Variants in WDR27 observed in about 807,000 individuals in gnomAD.
The protein encoded by WDR27 is WD repeat domain 27.
A neutral mutation model predicts 114.4 loss-of-function variants in WDR27; 100 were observed. The observed-to-expected ratio is 0.87, with a 90% CI of 0.74 to 1.03. The LOEUF (loss-of-function observed/expected upper bound fraction) is 1.03, where lower values mean the gene tolerates loss of function less well. Ranked by LOEUF, WDR27 falls within the 50% of genes least tolerant of loss-of-function variation. The pLI is 0.00. For missense variants in WDR27, 1,129 were observed against 1,092.9 expected (o/e 1.03, Z -0.47); for synonymous variants, 449 against 423.1 (o/e 1.06, Z -0.75).
rs202237596 is a variant in WDR27 at position 169,658,333 on chromosome 6, G to C, written c.1345C>G (p.Leu449Val). The change falls in exon 13 of 26, where the codon CTG (leucine) becomes GTG (valine). Residue 449 changes from leucine to valine, a missense_variant. By Grantham distance (32) the Leu-to-Val change is conservative. Coordinates refer to ENST00000448612, the MANE Select transcript of WDR27 (RefSeq NM_182552.5). The part of the protein sequence containing the change: ...ASSCVLPTSP[L>V]YLGIAKEKST... ...TTCTCCTTGGCAATTCCCAGATACAGTGGAGAGGTCGGTAGGACACAGGAG... is the reference window on the plus strand; with the variant it reads ...TTCTCCTTGGCAATTCCCAGATACACTGGAGAGGTCGGTAGGACACAGGAG... 1 of 1,601,402 alleles carries C rather than the reference G, an allele frequency of 6.2e-7. No individual in the cohort carries two copies. The highest frequency in any genetic ancestry group is 2.2e-5 in the East Asian group (1 of 44,556).
chr6:169,618,417 C>T (rs1812358621), intron 21 of WDR27, among the ~76,000 whole-genome samples: 1 of 151,928 alleles, frequency 6.6e-6, no homozygotes, highest in African/African-American at 2.4e-5. Flanking sequence ...AATCATAAAA[C>T]ACGTATGCAT....
At chr6:169,530,105 A>AGTG in intron 25 of WDR27, among the ~76,000 whole-genome samples, 1 of 152,334 alleles carries the variant, frequency 6.6e-6, no homozygotes, top group Non-Finnish European at 1.5e-5. Flanking sequence ...CACAGCAATG[A>AGTG]GTGTTTGCAG....
At chr6:169,431,951 G>A in the WDR27 span, among the ~76,000 whole-genome samples, 434 of 152,262 alleles carry the variant, frequency 2.9e-3, 1 homozygote, top group African/African-American at 1.0e-2. Flanking sequence ...TACGGTCTCC[G>A]AGTAAGCTCA....
chr6:169,629,417 A>T (rs1815733771), intron 21 of WDR27, among the ~76,000 whole-genome samples: 1 of 152,214 alleles, frequency 6.6e-6, no homozygotes, highest in African/African-American at 2.4e-5. Flanking sequence ...AAAGAACAAA[A>T]AGAGAAAGAA....
At chr6:169,679,570 T>C (rs1780970008) in intron 2 of WDR27, among the ~76,000 whole-genome samples, 1 of 152,028 alleles carries the variant, frequency 6.6e-6, no homozygotes, top group African/African-American at 2.4e-5. Context: ...AGTGAGTGAG[T>C]TCTCATGAAA....
At chr6:169,578,535 T>C (rs975614603) in intron 24 of WDR27, among the ~76,000 whole-genome samples, 2 of 152,248 alleles carry the variant, frequency 1.3e-5, no homozygotes, top group East Asian at 1.9e-4. Flanking sequence ...CAGCACTTAA[T>C]AGATTTCCTA....
chr6:169,534,563 CTT>C (rs1795998601), intron 25 of WDR27, among the ~76,000 whole-genome samples: 1 of 151,924 alleles, frequency 6.6e-6, no homozygotes, highest in African/African-American at 2.4e-5. Context: ...AAGTTAATCT[CTT>C]TACTTGTTAT....
intron 2 of WDR27, among the ~76,000 whole-genome samples, chr6:169,686,799 T>C (rs1450000196): frequency 1.3e-5 from 2 of 152,202 alleles, no homozygotes; most frequent in Non-Finnish European, 1.5e-5. Context: ...AATGGAATAC[T>C]ATTCTGCCAT....
chr6:169,475,411 C>T (rs1787009246), intron 25 of WDR27, among the ~76,000 whole-genome samples: 1 of 151,960 alleles, frequency 6.6e-6, no homozygotes, highest in Non-Finnish European at 1.5e-5. Context: ...TTAGTAGAGA[C>T]GGGTTTTTGC....
At position 169,647,788 on chromosome 6, in the gene WDR27, A is replaced by T; in HGVS notation, c.1642T>A (p.Cys548Ser). The change falls in exon 16 of 26, where the codon TGC becomes AGC. Residue 548 changes from cysteine to serine, a missense_variant. Physicochemically the swap from Cys to Ser is moderately radical, Grantham distance 112 (BLOSUM62 -1). Coordinates refer to ENST00000448612, the MANE Select transcript of WDR27 (RefSeq NM_182552.5). Reference protein sequence around the residue: ...AAAPTCTRVCCIQYSGDGQWL... With the variant: ...AAAPTCTRVCSIQYSGDGQWL... ...CGTGGCGCACCTGAGTACTGGATGC[A>T]GCATACACGTGTGCAGGTGGGGGCG... 1 of 1,582,832 alleles carries T rather than the reference A, an allele frequency of 6.3e-7. No individual in the cohort carries two copies. The highest frequency in any genetic ancestry group is 8.6e-7 in the Non-Finnish European group (1 of 1,164,782).
chr6:169,458,585 G>A, intron 25 of WDR27, among the ~76,000 whole-genome samples: 1 of 152,160 alleles, frequency 6.6e-6, no homozygotes, highest in East Asian at 1.9e-4. Flanking sequence ...GAGGTCAGGA[G>A]TTCAAGGCCA....
intron 23 of WDR27, among the ~76,000 whole-genome samples, chr6:169,589,371 T>C (rs2128151489): frequency 6.6e-6 from 1 of 152,252 alleles, no homozygotes; most frequent in Admixed American, 6.5e-5. Flanking sequence ...ATTGCCCCAA[T>C]TCTATAGACA....
At chr6:169,533,879 C>T (rs1795911447) in intron 25 of WDR27, among the ~76,000 whole-genome samples, 1 of 151,782 alleles carries the variant, frequency 6.6e-6, no homozygotes, top group Non-Finnish European at 1.5e-5. Flanking sequence ...ATACATGTGC[C>T]TGTGTGCATG....
At chr6:169,565,271 G>T (rs1800289573) in intron 25 of WDR27, among the ~76,000 whole-genome samples, 1 of 152,124 alleles carries the variant, frequency 6.6e-6, no homozygotes, top group South Asian at 2.1e-4. Context: ...TAATTTTTGG[G>T]GGGCAAAATT....
intron 21 of WDR27, among the ~76,000 whole-genome samples, chr6:169,624,150 G>A: frequency 8.3e-6 from 1 of 120,772 alleles, no homozygotes; most frequent in African/African-American, 3.6e-5. Context: ...GTGCCGTGTG[G>A]GGCGTCAGGT....
intron 21 of WDR27, among the ~76,000 whole-genome samples, chr6:169,630,784 C>G (rs1217574645): frequency 6.6e-6 from 1 of 152,142 alleles, no homozygotes; most frequent in African/African-American, 2.4e-5. Flanking sequence ...ATCCCAGCTA[C>G]TCGGGAGCCT....
At chr6:169,610,991 C>T (rs1810398275) in intron 22 of WDR27, among the ~76,000 whole-genome samples, 1 of 152,076 alleles carries the variant, frequency 6.6e-6, no homozygotes, top group South Asian at 2.1e-4. Context: ...GACTTCACTA[C>T]TATACAATTC....
In WDR27 at chr6:169,665,547, A is replaced by G. The variant is rs750983205; in HGVS notation, c.722T>C (p.Leu241Pro). The change falls in exon 7 of 26, where the codon CTT becomes CCT. Residue 241 changes from leucine to proline, a missense_variant. Leu to Pro is a moderately conservative substitution (Grantham distance 98, BLOSUM62 -3). Transcript: ENST00000448612. Reference protein sequence around the residue: ...YSSSVLSAYPLLSLFIDAESR... With the variant: ...YSSSVLSAYPPLSLFIDAESR... ...TTCTGCATCAATGAATAAACTGAGA[A>G]GAGGATATGCTGGTGAAAGGAACAT... The G allele has an allele frequency of 6.2e-6, 10 of 1,613,760 alleles. No individual in the cohort carries two copies. The South Asian group carries it at 1.1e-4, about 18-fold the overall frequency.
chr6:169,486,248 ATTAGT>A (rs1788870616), intron 25 of WDR27, among the ~76,000 whole-genome samples: 1 of 152,124 alleles, frequency 6.6e-6, no homozygotes, highest in Non-Finnish European at 1.5e-5. Flanking sequence ...GGGAATATAA[ATTAGT>A]TTAGCCACTG....
Sources: allele counts gnomAD v4.1 joint callset (sites outside exome capture counted in the v4.1 genomes callset), GRCh38; gene constraint gnomAD v4.1.1; transcripts MANE v1.5; gene names NCBI Gene and HGNC (gene_info 2026-07-23, HGNC 2026-07-21).